DDX4: variants seen among roughly 807,000 people sequenced by gnomAD.
DDX4 encodes the protein probable ATP-dependent RNA helicase DDX4.
DDX4 carries 25 observed loss-of-function variants against 100.0 expected under a neutral mutation model. The observed-to-expected ratio is 0.25, with a 90% CI of 0.18 to 0.35. The LOEUF is 0.35. DDX4 is among the 10% of genes least tolerant of loss of function. DDX4 has a pLI of 1.00. For missense variants in DDX4, 635 were observed against 882.4 expected (o/e 0.72, Z 3.55); for synonymous variants, 259 against 275.7 (o/e 0.94, Z 0.60).
intron 7 of DDX4, chr5:55,777,367 G>C (rs1310682025): frequency 6.6e-6 from 1 of 152,162 alleles, no homozygotes; most frequent in African/African-American, 2.4e-5. Flanking sequence ...ATTTTGGCAG[G>C]CCAACATGGG....
intron 18 of DDX4, among the ~76,000 whole-genome samples, chr5:55,811,369 C>T (rs1230919844): frequency 6.6e-6 from 1 of 151,948 alleles, no homozygotes; most frequent in Admixed American, 6.6e-5. Flanking sequence ...CTCTAAGATC[C>T]CCTAATTGGG....
rs559864284 is a variant in DDX4, at chr5:55,739,856, T to A, written c.69+824T>A. On this transcript the variant is annotated intron_variant, in intron 2 of 21. Coordinates refer to ENST00000505374, the MANE Select transcript of DDX4 (RefSeq NM_024415.3). The stretch of plus-strand genomic sequence containing the variant: ...AAAATACTAATATAAATTTATCATG[T>A]TTCTTTTCTTGGAACTTTTTAAAAG... Among the ~76,000 whole-genome samples, 6 of 152,292 alleles carry A rather than the reference T, an allele frequency of 3.9e-5. No homozygotes were observed. The South Asian group carries it at 1.2e-3, about 32-fold the overall frequency.
intron 18 of DDX4, among the ~76,000 whole-genome samples, chr5:55,813,388 C>T (rs1462500184): frequency 6.6e-6 from 1 of 152,128 alleles, no homozygotes; most frequent in Non-Finnish European, 1.5e-5. Context: ...TAAGAGTTGG[C>T]AGGCAGATAT....
chr5:55,754,669 A>G (rs980151102), intron 3 of DDX4, among the ~76,000 whole-genome samples: 1 of 151,670 alleles, frequency 6.6e-6, no homozygotes, highest in African/African-American at 2.4e-5. Context: ...CTTTGGTATC[A>G]GAATGATGCT....
chr5:55,767,550 C>T (rs567633573), intron 6 of DDX4, among the ~76,000 whole-genome samples: 1 of 152,298 alleles, frequency 6.6e-6, no homozygotes, highest in East Asian at 1.9e-4. Flanking sequence ...TTAGATGTTC[C>T]TGAAATCATT....
chr5:55,785,716 T>C lies in DDX4; in HGVS notation c.722-13T>C, dbSNP rs1212404113. On this transcript the variant is annotated splice_polypyrimidine_tract_variant and intron_variant, in intron 12 of 21. Coordinates refer to ENST00000505374, the MANE Select transcript of DDX4 (RefSeq NM_024415.3). The stretch of plus-strand genomic sequence containing the variant: ...TCTGTAACGTACATTATGTTTTTAA[T>C]TTAAATTCCAAGGACCAAAAGTGAC... 6.2e-6 allele frequency: 10 copies of C among 1,605,766 alleles called. 1 individual carries two copies. Among genetic ancestry groups the C allele is most frequent in the Non-Finnish European group, 8.5e-6 (10 of 1,174,446 alleles).
At chr5:55,810,818 A>G (rs1357054084) in intron 18 of DDX4, among the ~76,000 whole-genome samples, 2 of 152,194 alleles carry the variant, frequency 1.3e-5, no homozygotes, top group Non-Finnish European at 2.9e-5. Context: ...AGACAAAAGG[A>G]GTTGTCAGAG....
At chr5:55,776,366 A>G (rs1741564952) in intron 7 of DDX4, among the ~76,000 whole-genome samples, 1 of 152,200 alleles carries the variant, frequency 6.6e-6, no homozygotes, top group Non-Finnish European at 1.5e-5. Context: ...AGAAAATGGG[A>G]GGAGGACAGG....
intron 6 of DDX4, chr5:55,766,990 A>AT (rs1561490824): frequency 6.5e-7 from 1 of 1,531,724 alleles, no homozygotes; most frequent in Admixed American, 2.0e-5. Flanking sequence ...AGCCTTCAGT[A>AT]TAGTAATCTC....
At chr5:55,747,306 AG>A (rs1682992133) in intron 3 of DDX4, among the ~76,000 whole-genome samples, 1 of 152,176 alleles carries the variant, frequency 6.6e-6, no homozygotes. Flanking sequence ...TGAACCCGGG[AG>A]GTGGAGGTTG....
chr5:55,765,680 T>G (rs1740873735), intron 6 of DDX4, among the ~76,000 whole-genome samples: 1 of 152,102 alleles, frequency 6.6e-6, no homozygotes, highest in South Asian at 2.1e-4. Context: ...TGTAACTTTC[T>G]GCTTTTCATT....
Position 55,798,581 on chromosome 5 carries a change from G to A in DDX4, c.1615+10G>A, listed in dbSNP as rs1197749965. On this transcript the variant is annotated intron_variant, in intron 18 of 21. Coordinates refer to ENST00000505374, the MANE Select transcript of DDX4 (RefSeq NM_024415.3). Reference sequence around the variant, plus strand: ...ATTCTGCGAAACATAGGTATCTTACGTTGATACATTTTTTTGTCATGATTT... The same window carrying A: ...ATTCTGCGAAACATAGGTATCTTACATTGATACATTTTTTTGTCATGATTT... The A allele has an allele frequency of 1.8e-5, 28 of 1,566,770 alleles. No homozygotes were observed. Among genetic ancestry groups the A allele is most frequent in the Admixed American group, 6.0e-5 (3 of 50,190 alleles).
chr5:55,746,204 C>G lies in DDX4; in HGVS notation c.110C>G (p.Thr37Ser). The change falls in exon 3 of 22, where the codon ACT becomes AGT. Residue 37 changes from threonine (T) to serine (S), a missense_variant. Around this residue, in one of 4 missense-constraint regions of DDX4, gnomAD observed 446 missense variants for 540.8 expected, o/e 0.82. Coordinates refer to ENST00000505374, the MANE Select transcript of DDX4 (RefSeq NM_024415.3). ...SGENGDNFNR[T>S]PASSSEMDDG... The stretch of plus-strand genomic sequence containing the variant: ...GAAAATGGAGACAATTTTAACAGGA[C>G]TCCAGCTTCATCATCAGGTATGTGT... 3 of 1,612,324 alleles carry G rather than the reference C, an allele frequency of 1.9e-6. No homozygotes were observed. Among genetic ancestry groups the G allele is most frequent in the Middle Eastern group, 1.7e-4 (1 of 6,054 alleles).
intron 18 of DDX4, among the ~76,000 whole-genome samples, chr5:55,798,826 GT>G (rs1390760369): frequency 6.6e-6 from 1 of 152,108 alleles, no homozygotes; most frequent in Non-Finnish European, 1.5e-5. Flanking sequence ...CACCAGAAAT[GT>G]ATCTATTTTT....
intron 17 of DDX4, among the ~76,000 whole-genome samples, chr5:55,796,815 CT>C (rs1034415317): frequency 1.4e-5 from 1 of 71,210 alleles, no homozygotes; most frequent in Non-Finnish European, 3.2e-5. Flanking sequence ...TTCTTTTTTT[CT>C]TTCTTTCTTT....
At chr5:55,789,975 G>C (rs1041738775) in intron 15 of DDX4, among the ~76,000 whole-genome samples, 1 of 152,042 alleles carries the variant, frequency 6.6e-6, no homozygotes, top group South Asian at 2.1e-4. Flanking sequence ...GCTTATTTCA[G>C]TGTTTATATC....
intron 19 of DDX4, among the ~76,000 whole-genome samples, chr5:55,814,015 G>A (rs6858934): frequency 8.1e-4 from 123 of 152,228 alleles, no homozygotes; most frequent in African/African-American, 2.9e-3. Context: ...ATAAAGGTCT[G>A]CCTTACTCTC....
At chr5:55,754,768 C>G (rs897425901) in intron 3 of DDX4, among the ~76,000 whole-genome samples, 29 of 150,508 alleles carry the variant, frequency 1.9e-4, no homozygotes, top group Non-Finnish European at 4.1e-4. Flanking sequence ...CTCCTTGTAC[C>G]TCTGGTAGAA....
intron 7 of DDX4, among the ~76,000 whole-genome samples, chr5:55,775,920 A>G (rs925591220): frequency 2.6e-5 from 4 of 152,178 alleles, no homozygotes; most frequent in African/African-American, 9.7e-5. Context: ...CAGGAGTTTG[A>G]GACCAACCTG....
Sources: gnomAD v4.1 joint callset for allele counts (sites outside exome capture counted in the v4.1 genomes callset) on GRCh38, gnomAD v4.1.1 for gene constraint, gnomAD v4.1.1 regional missense constraint, MANE v1.5 for transcripts, NCBI Gene and HGNC (gene_info 2026-07-23, HGNC 2026-07-21) for gene names.